Variants in MYOF observed in about 807,000 individuals in gnomAD.
The protein encoded by MYOF is fer-1-like 3, myoferlin.
Under a neutral mutation model 284.2 loss-of-function variants are expected in MYOF, and 244 were observed. The ratio of observed to expected loss-of-function variants is 0.86; its 90% confidence interval spans 0.77 to 0.95. The LOEUF (loss-of-function observed/expected upper bound fraction) is 0.95. MYOF is among the 40% of genes least tolerant of loss of function. The pLI, the probability that MYOF is intolerant of heterozygous loss-of-function variation, is 0.00. For synonymous variants in MYOF, 904 were observed against 919.7 expected, an observed-to-expected ratio of 0.98 and a Z score of 0.31; for missense variants, 2,496 against 2,560.6, an observed-to-expected ratio of 0.97 and a Z score of 0.54.
At chr10:93,332,464 C>G (rs1312750374) in intron 43 of MYOF, among the ~76,000 whole-genome samples, 5 of 151,898 alleles carry the variant, frequency 3.3e-5, no homozygotes, top group Non-Finnish European at 5.9e-5. Flanking sequence ...TTGTGATCCA[C>G]CAACCTCGGC....
At chr10:93,365,197 T>C (rs1845273515) in intron 26 of MYOF, among the ~76,000 whole-genome samples, 1 of 152,292 alleles carries the variant, frequency 6.6e-6, no homozygotes, top group East Asian at 1.9e-4. Context: ...CTAATGCCTA[T>C]GCAATTACAG....
chr10:93,457,845 A>G (rs916581663), intron 1 of MYOF, among the ~76,000 whole-genome samples: 12 of 145,730 alleles, frequency 8.2e-5, no homozygotes, highest in Admixed American at 4.9e-4. Flanking sequence ...AGATCCTCCC[A>G]CCTCGGCGCC....
chr10:93,327,060 G>T (rs528926410), intron 45 of MYOF, among the ~76,000 whole-genome samples: 1 of 152,192 alleles, frequency 6.6e-6, no homozygotes, highest in African/African-American at 2.4e-5. Flanking sequence ...GATGCTGTGT[G>T]ACTCCAAGGC....
At chr10:93,387,677 G>C in intron 19 of MYOF, 120 bp downstream of exon 19, 1 of 768,092 alleles carries the variant, frequency 1.3e-6, no homozygotes, top group Non-Finnish European at 2.3e-6. Context: ...GGCTGTTGTA[G>C]AAACATCCAG....
chr10:93,351,069 G>T, intron 35 of MYOF, 128 bp downstream of exon 35: 2 of 1,008,316 alleles, frequency 2.0e-6, no homozygotes, highest in Non-Finnish European at 3.0e-6. Context: ...CCAGTTTTTG[G>T]ACAAGTTGTA....
Position 93,323,227 on chromosome 10 carries a change from C to T in MYOF, c.5360+43G>A, listed in dbSNP as rs369313178. The T allele has an allele frequency of 2.5e-6, 4 of 1,613,410 alleles. No homozygotes were observed. In the African/African-American group the frequency reaches 5.3e-5, roughly 22 times the overall value. On this transcript the variant is annotated intron_variant, in intron 47 of 53. Coordinates refer to ENST00000359263, the MANE Select transcript of MYOF (RefSeq NM_013451.4). The stretch of plus-strand genomic sequence containing the variant: ...TTTTTTCTGGTCCTGGACCAAGTCC[C>T]CAGCCCAGTGTATGTATCAGGGTCT...
intron 37 of MYOF, among the ~76,000 whole-genome samples, chr10:93,346,823 C>A (rs1031663095): frequency 1.3e-5 from 2 of 152,172 alleles, no homozygotes; most frequent in African/African-American, 2.4e-5. Flanking sequence ...GGGAACATGC[C>A]TTTCTTGGTC....
chr10:93,462,322 G>A (rs1477742781), intron 1 of MYOF, among the ~76,000 whole-genome samples: 2 of 152,036 alleles, frequency 1.3e-5, no homozygotes, highest in Non-Finnish European at 2.9e-5. Context: ...CGCTCACCTC[G>A]GCCTCCCAAA....
intron 31 of MYOF, among the ~76,000 whole-genome samples, chr10:93,355,223 T>A (rs1210080421): frequency 6.6e-6 from 1 of 152,240 alleles, no homozygotes; most frequent in East Asian, 1.9e-4. Flanking sequence ...GAAGAGATTT[T>A]AAAAATCATA....
chr10:93,430,113 T>C (rs1001011498), intron 4 of MYOF, among the ~76,000 whole-genome samples: 2 of 151,542 alleles, frequency 1.3e-5, no homozygotes, highest in African/African-American at 4.8e-5. Context: ...TTTTTGTATT[T>C]TTAGTAGAGA....
Position 93,379,824 on chromosome 10 carries a change from T to C in MYOF, c.2001+39A>G, listed in dbSNP as rs1440127633. ...CTCCATCCTAATACCTAATTCACCCTGCTTGGTGAAAAGGAAATGCAGAAA... is the reference window on the plus strand; with the variant it reads ...CTCCATCCTAATACCTAATTCACCCCGCTTGGTGAAAAGGAAATGCAGAAA... On this transcript the variant is annotated intron_variant, in intron 21 of 53. Transcript: ENST00000359263. 3.1e-6 allele frequency: 5 copies of C among 1,610,722 alleles called. No individual in the cohort carries two copies. In the East Asian group the frequency reaches 1.1e-4, roughly 36 times the overall value.
At chr10:93,435,102 C>A (rs1470331764) in intron 3 of MYOF, among the ~76,000 whole-genome samples, 2 of 152,204 alleles carry the variant, frequency 1.3e-5, no homozygotes, top group African/African-American at 4.8e-5. Context: ...GATGTGGAAA[C>A]AAACTGGACT....
chr10:93,353,972 G>T, intron 31 of MYOF, 84 bp from the exon 32 acceptor site: 1 of 1,107,110 alleles, frequency 9.0e-7, no homozygotes, highest in Non-Finnish European at 1.3e-6. Context: ...AAAAATACAT[G>T]TTTCTGATAA....
chr10:93,433,213 A>C (rs148954228), intron 3 of MYOF, among the ~76,000 whole-genome samples: 2,678 of 152,258 alleles, frequency 0.018, 63 homozygotes, highest in African/African-American at 0.061. Flanking sequence ...CCTGGAGTGC[A>C]ACGGCGTGAT....
At chr10:93,322,942 A>T in intron 48 of MYOF, 136 bp downstream of exon 48, 2 of 839,048 alleles carry the variant, frequency 2.4e-6, no homozygotes, top group Non-Finnish European at 3.9e-6. Flanking sequence ...GAGCTACCTA[A>T]GTAGATCACA....
chr10:93,435,869 A>G (rs560151297), intron 3 of MYOF, among the ~76,000 whole-genome samples: 7 of 151,932 alleles, frequency 4.6e-5, no homozygotes, highest in African/African-American at 1.4e-4. Flanking sequence ...GTTCCATTGC[A>G]TTTCAGCCTG....
In MYOF at chr10:93,482,282, G is replaced by T. The variant is rs922095539; in HGVS notation, c.-88C>A. ...CGGGTCGCACCGCCCTGGGAGAGAA[G>T]TTCTCTCCCAGTGAAGGGAGGATTT... is the stretch of plus-strand genomic sequence containing the variant. On this transcript the variant is annotated 5_prime_UTR_variant, in exon 1 of 54. Transcript: ENST00000359263. 2 of 1,110,324 alleles carry T rather than the reference G, an allele frequency of 1.8e-6. No individual in the cohort carries two copies. Among genetic ancestry groups the T allele is most frequent in the Non-Finnish European group, 2.7e-6 (2 of 747,530 alleles). The allele number at this position is 1,110,324 out of a possible 1,614,324, so 68.8% of individuals were successfully genotyped here. A position where few individuals can be genotyped will look rare whatever the true frequency, so the allele number is the denominator to read the frequency against.
At chr10:93,367,062 A>G (rs1845359987) in intron 25 of MYOF, among the ~76,000 whole-genome samples, 1 of 152,200 alleles carries the variant, frequency 6.6e-6, no homozygotes, top group Non-Finnish European at 1.5e-5. Flanking sequence ...CAGGCAGTCC[A>G]CCAAAAAACC....
intron 1 of MYOF, among the ~76,000 whole-genome samples, chr10:93,471,889 CAA>C (rs35028422): frequency 3.0e-3 from 422 of 140,344 alleles, no homozygotes; most frequent in African/African-American, 5.3e-3. Context: ...AACACTGTCT[CAA>C]AAAAAAAAAA....
Sources: gnomAD v4.1 joint callset for allele counts (sites outside exome capture counted in the v4.1 genomes callset) on GRCh38, gnomAD v4.1.1 for gene constraint, MANE v1.5 for transcripts, NCBI Gene and HGNC (gene_info 2026-07-23, HGNC 2026-07-21) for gene names.